GXYLT2: variants seen among roughly 807,000 people sequenced by gnomAD.
The protein encoded by GXYLT2 is glycosyltransferase 8 domain containing 4.
GXYLT2 carries 53 observed loss-of-function variants against 45.8 expected under a neutral mutation model. The ratio of observed to expected loss-of-function variants is 1.16; its 90% CI spans 0.93 to 1.46. GXYLT2 has a LOEUF of 1.46. Ranked by LOEUF, GXYLT2 falls within the 40% of genes most tolerant of loss-of-function variation. GXYLT2 has a pLI of 0.00. For synonymous variants in GXYLT2, 219 were observed against 214.2 expected (o/e 1.02, Z -0.19); for missense variants, 551 against 544.4 (o/e 1.01, Z -0.12).
chr3:72,970,075 G>C (rs1332311819), intron 6 of GXYLT2, among the ~76,000 whole-genome samples: 1 of 152,016 alleles, frequency 6.6e-6, no homozygotes, highest in Non-Finnish European at 1.5e-5. Context: ...AATCGGCCTG[G>C]TGTGGTGGTT....
intron 3 of GXYLT2, among the ~76,000 whole-genome samples, chr3:72,954,790 T>C (rs1201963793): frequency 3.3e-5 from 5 of 152,068 alleles, no homozygotes; most frequent in African/African-American, 1.2e-4. Flanking sequence ...GCCACAATAA[T>C]TTGCTGATGT....
At chr3:72,951,776 T>C (rs573732164) in intron 3 of GXYLT2, among the ~76,000 whole-genome samples, 2 of 152,340 alleles carry the variant, frequency 1.3e-5, no homozygotes, top group South Asian at 2.1e-4. Context: ...ATTTTGAAAT[T>C]AGAATCTTCA....
intron 6 of GXYLT2, among the ~76,000 whole-genome samples, chr3:72,970,572 A>C (rs1413465251): frequency 6.6e-6 from 1 of 152,138 alleles, no homozygotes; most frequent in Non-Finnish European, 1.5e-5. Context: ...TGAAATTCGC[A>C]GAGTTGGCTG....
At chr3:72,972,743 G>A (rs2107161601) in intron 6 of GXYLT2, among the ~76,000 whole-genome samples, 1 of 144,200 alleles carries the variant, frequency 6.9e-6, no homozygotes, top group African/African-American at 2.6e-5. Flanking sequence ...GACATAGTGA[G>A]ATGCGTCTCT....
At chr3:72,913,814 C>T (rs892924692) in intron 2 of GXYLT2, among the ~76,000 whole-genome samples, 2 of 152,194 alleles carry the variant, frequency 1.3e-5, no homozygotes, top group African/African-American at 2.4e-5. Flanking sequence ...TTTGCCCTTA[C>T]GTAAGCCATA....
chr3:72,922,373 C>T (rs759669797), intron 3 of GXYLT2, 38 bp downstream of exon 3: 2 of 1,589,196 alleles, frequency 1.3e-6, no homozygotes, highest in Non-Finnish European at 1.7e-6. Context: ...TAGCTTGCTC[C>T]TGGAAATAAG....
chr3:72,902,911 G>T (rs904016725), intron 1 of GXYLT2, among the ~76,000 whole-genome samples: 2 of 152,198 alleles, frequency 1.3e-5, no homozygotes, highest in Non-Finnish European at 2.9e-5. Context: ...TACTCGGGAG[G>T]CTGAGGCAGG....
At chr3:72,920,138 A>AT (rs1709804622) in intron 2 of GXYLT2, among the ~76,000 whole-genome samples, 9 of 150,430 alleles carry the variant, frequency 6.0e-5, no homozygotes, top group Admixed American at 6.0e-4. Flanking sequence ...TTTTTTATTT[A>AT]TTTTTTTATT....
intron 6 of GXYLT2, among the ~76,000 whole-genome samples, chr3:72,971,903 C>T (rs979746136): frequency 6.7e-6 from 1 of 149,968 alleles, no homozygotes; most frequent in Non-Finnish European, 1.5e-5. Flanking sequence ...AAGCCAGGAT[C>T]GTGCCACTGC....
intron 1 of GXYLT2, among the ~76,000 whole-genome samples, chr3:72,888,838 C>G (rs1019612549): frequency 3.3e-5 from 5 of 152,164 alleles, no homozygotes; most frequent in African/African-American, 9.7e-5. Context: ...CATCACGGTG[C>G]AAGAATGTTT....
chr3:72,903,586 T>C (rs996788069), intron 1 of GXYLT2, among the ~76,000 whole-genome samples: 1 of 152,146 alleles, frequency 6.6e-6, no homozygotes, highest in African/African-American at 2.4e-5. Flanking sequence ...GTTGGGAGTC[T>C]GCAAAATAAC....
At chr3:72,931,472 A>G (rs186477854) in intron 3 of GXYLT2, among the ~76,000 whole-genome samples, 247 of 151,974 alleles carry the variant, frequency 1.6e-3, no homozygotes, top group South Asian at 4.6e-3. Context: ...CTCGTGATTC[A>G]CCTGCCTCGG....
chr3:72,929,152 C>T (rs1024840093), intron 3 of GXYLT2: 12 of 1,588,010 alleles, frequency 7.6e-6, no homozygotes, highest in Admixed American at 1.7e-5. Flanking sequence ...TTTACCTGTC[C>T]ATGTCTTACT....
intron 1 of GXYLT2, 71 bp from the exon 2 acceptor site, chr3:72,908,296 C>T: frequency 1.8e-6 from 2 of 1,093,490 alleles, no homozygotes; most frequent in South Asian, 3.2e-5. Context: ...TAACCATTCA[C>T]TCGCCGGTTT....
intron 3 of GXYLT2, among the ~76,000 whole-genome samples, chr3:72,953,356 C>A (rs1272031612): frequency 6.6e-6 from 1 of 152,050 alleles, no homozygotes; most frequent in Non-Finnish European, 1.5e-5. Context: ...GTGGTGTGAT[C>A]TTGGCTCACT....
chr3:72,898,743 T>TC (rs1474731832), intron 1 of GXYLT2, among the ~76,000 whole-genome samples: 54 of 152,088 alleles, frequency 3.6e-4, no homozygotes, highest in African/African-American at 1.1e-3. Context: ...TCTTTTCTTT[T>TC]TTTTTCAGAT....
intron 3 of GXYLT2, among the ~76,000 whole-genome samples, chr3:72,936,300 GAAAAAAA>G (rs796602781): frequency 2.8e-5 from 2 of 72,566 alleles, no homozygotes; most frequent in African/African-American, 8.0e-5. Flanking sequence ...TCAAAAAAAA[GAAAAAAA>G]AAAAAAAAGA....
chr3:72,901,554 C>CT (rs71124002), intron 1 of GXYLT2, among the ~76,000 whole-genome samples: 4,307 of 77,250 alleles, frequency 0.056, 549 homozygotes, highest in African/African-American at 0.11. Flanking sequence ...AACATTTTCG[C>CT]TTTTTTTTTT....
At chr3:72,942,035 A>C (rs953452042) in intron 3 of GXYLT2, among the ~76,000 whole-genome samples, 31 of 152,274 alleles carry the variant, frequency 2.0e-4, no homozygotes, top group Non-Finnish European at 1.9e-4. Flanking sequence ...CCCTGGAGTT[A>C]ACCTTATGGT....
Sources: gnomAD v4.1 joint callset for allele counts (sites outside exome capture counted in the v4.1 genomes callset) on GRCh38, gnomAD v4.1.1 for gene constraint, MANE v1.5 for transcripts, NCBI Gene and HGNC (gene_info 2026-07-23, HGNC 2026-07-21) for gene names.